The following ANKRD30B variants were observed in gnomAD, a reference collection of about 807,000 sequenced individuals.
ANKRD30B encodes the protein ankyrin repeat domain-containing protein 30B.
In ANKRD30B, 144 loss-of-function variants were observed where a neutral mutation model predicts 202.2. The ratio of observed to expected loss-of-function variants is 0.71; its 90% CI spans 0.62 to 0.82. The LOEUF (loss-of-function observed/expected upper bound fraction) is 0.82. Ranked by LOEUF, ANKRD30B falls within the 40% of genes least tolerant of loss-of-function variation. The probability of loss-of-function intolerance (pLI) is 0.00; values close to 1 mark genes in which losing one functional copy is unlikely to be tolerated. For synonymous variants in ANKRD30B, 508 were observed against 561.3 expected (o/e 0.91, Z 1.34); for missense variants, 1,487 against 1,669.1 (o/e 0.89, Z 1.90).
At chr18:14,934,873 G>A in the ANKRD30B span, among the ~76,000 whole-genome samples, 3 of 151,388 alleles carry the variant, frequency 2.0e-5, no homozygotes, top group Non-Finnish European at 4.4e-5. Context: ...AGAGAGGGGT[G>A]TGCACAGGTA....
In ANKRD30B at chr18:14,786,044, C is replaced by CAAAAA. The variant is rs10572502; in HGVS notation, c.1673-972_1673-968dup. ...TGGGCGACAGAGCGAGACTCCGTCT[C>CAAAAA]AAAAAAAAAAAAAAAAAAAAAAAAA... On this transcript the variant is annotated intron_variant, in intron 14 of 43. Transcript: ENST00000690538. Among the ~76,000 whole-genome samples, 13 of 72,750 alleles carry CAAAAA rather than the reference C, an allele frequency of 1.8e-4. 1 individual carries two copies. Among genetic ancestry groups the CAAAAA allele is most frequent in the African/African-American group, 7.4e-4 (12 of 16,316 alleles). 47.7% of individuals were successfully genotyped at this position (72,750 alleles called of 152,430 possible). A position where few individuals can be genotyped will look rare whatever the true frequency, so the allele number is the denominator to read the frequency against.
At position 14,748,636 on chromosome 18, in the gene ANKRD30B, A is replaced by G. The variant is rs1455092336; in HGVS notation, c.217A>G (p.Lys73Glu). 1.9e-6 allele frequency: 3 copies of G among 1,558,200 alleles called. No individual in the cohort carries two copies. Among genetic ancestry groups the G allele is most frequent in the South Asian group, 1.2e-5 (1 of 84,022 alleles). Residue 73 changes from lysine (K) to glutamate (E), a missense_variant, in exon 1 of 44, where the codon AAG becomes GAG. Coordinates refer to ENST00000690538, the MANE Select transcript of ANKRD30B (RefSeq NM_001367607.2). ...PVNLNKRDMK[K>E]RTALHWACVN... ...CAACCTGAACAAAAGAGATATGAAG[A>G]AGAGGTACCAGGCCCTGCCTGAGCC...
the ANKRD30B span, among the ~76,000 whole-genome samples, chr18:14,881,518 A>C: frequency 6.6e-6 from 1 of 152,246 alleles, no homozygotes; most frequent in East Asian, 1.9e-4. Context: ...TTCTGTGTTC[A>C]TCAAGGATAT....
At chr18:14,792,171 G>C (rs538061720) in intron 16 of ANKRD30B, among the ~76,000 whole-genome samples, 1 of 152,264 alleles carries the variant, frequency 6.6e-6, no homozygotes, top group East Asian at 1.9e-4. Flanking sequence ...TGATTCAGCC[G>C]ACTAGGGATT....
the ANKRD30B span, chr18:14,883,573 G>A: frequency 2.7e-5 from 4 of 150,030 alleles, no homozygotes; most frequent in Non-Finnish European, 4.4e-5. Flanking sequence ...AATGGTGGCT[G>A]ATTGCCTTCA....
chr18:14,887,139 A>G, the ANKRD30B span, among the ~76,000 whole-genome samples: 1 of 152,174 alleles, frequency 6.6e-6, no homozygotes, highest in African/African-American at 2.4e-5. Flanking sequence ...ATTGGTGAAC[A>G]TATAAAGTGC....
the ANKRD30B span, among the ~76,000 whole-genome samples, chr18:14,929,994 G>A: frequency 6.6e-6 from 1 of 152,178 alleles, no homozygotes; most frequent in South Asian, 2.1e-4. Context: ...CAGGGCTCTG[G>A]ATGAGTAAGT....
chr18:14,844,298 T>G (rs1971542107), intron 39 of ANKRD30B, among the ~76,000 whole-genome samples: 1 of 152,224 alleles, frequency 6.6e-6, no homozygotes, highest in Non-Finnish European at 1.5e-5. Context: ...AAACTGAAAC[T>G]AAAATATTTC....
intron 37 of ANKRD30B, 134 bp downstream of exon 37, chr18:14,840,812 T>C (rs1568066844): frequency 2.1e-6 from 1 of 487,298 alleles, no homozygotes. Flanking sequence ...CAGTGAAAGT[T>C]ATGTGTCTTC....
At chr18:14,785,957 G>A (rs1464150532) in intron 14 of ANKRD30B, among the ~76,000 whole-genome samples, 2 of 144,158 alleles carry the variant, frequency 1.4e-5, no homozygotes, top group South Asian at 2.4e-4. Context: ...AGAATGGCGT[G>A]AACCCAGGAA....
Position 14,829,724 on chromosome 18 carries a change from G to A in ANKRD30B, c.2774+1416G>A, listed in dbSNP as rs373607321. On this transcript the variant is annotated intron_variant, in intron 33 of 43. Transcript: ENST00000690538. ...TTTTTGCTTGTTTAATTGGAGGAAT[G>A]GGCAAACTTCAAGATTTCTATTGAA... 1.2e-4 allele frequency among the ~76,000 whole-genome samples: 18 copies of A among 152,228 alleles called. No homozygotes were observed. In the East Asian group the frequency reaches 1.4e-3, roughly 11 times the overall value.
rs1176261407 is a variant in ANKRD30B, at chr18:14,748,691, G to T, written c.221+51G>T. 7.5e-6 allele frequency: 11 copies of T among 1,470,258 alleles called. No individual in the cohort carries two copies. The East Asian group carries it at 1.8e-4, about 24-fold the overall frequency. The allele number at this position is 1,470,258 out of a possible 1,614,324, so 91.1% of individuals were successfully genotyped here. A position where few individuals can be genotyped will look rare whatever the true frequency, so the allele number is the denominator to read the frequency against. ...CTGCAGGAGGAGGAGGCGGCTGTGGGAGGATCGCCCCTTCAGAGTGGTGGC... is the reference window on the plus strand; with the variant it reads ...CTGCAGGAGGAGGAGGCGGCTGTGGTAGGATCGCCCCTTCAGAGTGGTGGC... On this transcript the variant is annotated intron_variant, in intron 1 of 43. Coordinates refer to ENST00000690538, the MANE Select transcript of ANKRD30B (RefSeq NM_001367607.2).
chr18:14,832,767 A>G (rs2143104716), intron 34 of ANKRD30B, among the ~76,000 whole-genome samples: 1 of 152,378 alleles, frequency 6.6e-6, no homozygotes, highest in South Asian at 2.1e-4. Flanking sequence ...TTTAGAATGC[A>G]TAAATTAATG....
chr18:14,816,105 A>G (rs905946501), intron 30 of ANKRD30B: 33 of 152,160 alleles, frequency 2.2e-4, no homozygotes, highest in African/African-American at 7.5e-4. Flanking sequence ...TAATGATATA[A>G]ATTATTATAA....
chr18:14,928,362 T>A, the ANKRD30B span, among the ~76,000 whole-genome samples: 702 of 152,318 alleles, frequency 4.6e-3, 6 homozygotes, highest in Non-Finnish European at 7.2e-3. Flanking sequence ...TCTGTGAGGA[T>A]GTTTCTGGAT....
chr18:14,752,347 G>A (rs551097647), intron 1 of ANKRD30B, among the ~76,000 whole-genome samples: 7 of 152,256 alleles, frequency 4.6e-5, no homozygotes, highest in African/African-American at 1.7e-4. Context: ...AAGTTGAACT[G>A]AATCCAAAGG....
the ANKRD30B span, among the ~76,000 whole-genome samples, chr18:14,918,567 T>C: frequency 6.6e-6 from 1 of 152,082 alleles, no homozygotes; most frequent in South Asian, 2.1e-4. Flanking sequence ...ATCCAGGCTC[T>C]AGGGATGTAT....
At chr18:14,936,242 G>A in the ANKRD30B span, among the ~76,000 whole-genome samples, 1 of 152,218 alleles carries the variant, frequency 6.6e-6, no homozygotes, top group Non-Finnish European at 1.5e-5. Context: ...TGAAAGGACT[G>A]TCTGTGTTGG....
intron 34 of ANKRD30B, among the ~76,000 whole-genome samples, chr18:14,833,976 A>G (rs1291688935): frequency 6.6e-6 from 1 of 152,120 alleles, no homozygotes. Flanking sequence ...GTCTCTATTT[A>G]GTTGCTATGT....
Sources: gnomAD v4.1 joint callset for allele counts (sites outside exome capture counted in the v4.1 genomes callset) on GRCh38, gnomAD v4.1.1 for gene constraint, MANE v1.5 for transcripts, NCBI Gene and HGNC (gene_info 2026-07-23, HGNC 2026-07-21) for gene names.